The following ZBTB7C variants were observed in gnomAD, a reference collection of about 807,000 sequenced individuals.
The protein encoded by ZBTB7C is zinc finger and BTB domain containing 7C, also known as zinc finger and BTB domain-containing protein 7C.
In ZBTB7C, 8 loss-of-function variants were observed where a neutral mutation model predicts 25.7. The observed-to-expected ratio is 0.31, with a 90% CI of 0.18 to 0.56. ZBTB7C has a LOEUF of 0.56. Among genes scored for constraint, ZBTB7C ranks in the 20% least tolerant of loss-of-function variants. The pLI, the probability that ZBTB7C is intolerant of heterozygous loss-of-function variation, is 0.91. For missense variants in ZBTB7C, 824 were observed against 855.2 expected (o/e 0.96, Z 0.46); for synonymous variants, 394 against 369.0 (o/e 1.07, Z -0.78).
intron 2 of ZBTB7C, among the ~76,000 whole-genome samples, chr18:48,283,501 A>T (rs1057340853): frequency 7.2e-5 from 11 of 152,338 alleles, no homozygotes; most frequent in Admixed American, 3.3e-4. Context: ...ACATGTACTA[A>T]AATCTTCCAT....
chr18:48,304,821 A>G (rs1306877701), intron 2 of ZBTB7C, among the ~76,000 whole-genome samples: 3 of 136,036 alleles, frequency 2.2e-5, no homozygotes, highest in African/African-American at 8.3e-5. Context: ...ATCCTGCACA[A>G]TGGGAGCCAG....
intron 2 of ZBTB7C, among the ~76,000 whole-genome samples, chr18:48,326,095 CTT>C (rs34725749): frequency 8.7e-5 from 11 of 126,142 alleles, no homozygotes; most frequent in African/African-American, 1.2e-4. Context: ...CTACCAACAT[CTT>C]TTTTTTTTTT....
intron 2 of ZBTB7C, among the ~76,000 whole-genome samples, chr18:48,257,362 A>G (rs1432288176): frequency 6.6e-6 from 1 of 152,164 alleles, no homozygotes; most frequent in Non-Finnish European, 1.5e-5. Flanking sequence ...AAACTAAACA[A>G]TAAAGAGATA....
At chr18:48,302,235 G>C (rs1474431575) in intron 2 of ZBTB7C, among the ~76,000 whole-genome samples, 1 of 152,194 alleles carries the variant, frequency 6.6e-6, no homozygotes, top group African/African-American at 2.4e-5. Context: ...GGCCAGTGAG[G>C]AGAGTGGACG....
chr18:48,144,534 C>A (rs1191536245), intron 3 of ZBTB7C, among the ~76,000 whole-genome samples: 1 of 151,868 alleles, frequency 6.6e-6, no homozygotes, highest in Non-Finnish European at 1.5e-5. Context: ...TTGGTAGAGA[C>A]AGGGTTTTGT....
At chr18:48,386,425 T>G (rs60573428) in intron 1 of ZBTB7C, among the ~76,000 whole-genome samples, 43,723 of 152,128 alleles carry the variant, frequency 0.29, 7,559 homozygotes, top group East Asian at 0.71. Context: ...AGTACAGTGC[T>G]TACCCTAGAC....
Position 48,029,274 on chromosome 18 carries a change from C to T in ZBTB7C, c.1846G>A (p.Glu616Lys), listed in dbSNP as rs749850602. 2 of 1,537,756 alleles carry T rather than the reference C, an allele frequency of 1.3e-6. No homozygotes were observed. The highest frequency in any genetic ancestry group is 2.0e-5 in the Admixed American group (1 of 51,160). ...AGLNHVASMS[E>K]ANN Reference sequence around the variant, plus strand: ...CAGGGACCAGCCTAGTTGTTGGCTTCGGACATGGAGGCCACGTGGTTGAGG... The same window carrying T: ...CAGGGACCAGCCTAGTTGTTGGCTTTGGACATGGAGGCCACGTGGTTGAGG... The change falls in exon 5 of 5, where the codon GAA becomes AAA. Residue 616 changes from glutamate (E) to lysine (K), a missense_variant. Physicochemically the swap from Glu to Lys is moderately conservative, Grantham distance 56. This residue lies in a region of ZBTB7C where 342 missense variants were observed against 307.0 expected (regional missense o/e 1.11). Transcript: ENST00000590800.
At chr18:48,275,969 T>C (rs2044636606) in intron 2 of ZBTB7C, among the ~76,000 whole-genome samples, 1 of 152,130 alleles carries the variant, frequency 6.6e-6, no homozygotes, top group African/African-American at 2.4e-5. Context: ...ATCGAAGGCA[T>C]GGGATCCTGG....
rs115734189 is a variant in ZBTB7C at position 48,165,370 on chromosome 18, G to A, written c.-17+20564C>T. On this transcript the variant is annotated intron_variant, in intron 3 of 4. Coordinates refer to ENST00000590800, the MANE Select transcript of ZBTB7C (RefSeq NM_001318841.2). ...GAGTGTCCAGTGATGAGCAAGAATC[G>A]CCCTGCGGAGCTGCCCATACTCTAT... 1.3e-3 allele frequency: 496 copies of A among 376,970 alleles called. 1 individual carries two copies. Among genetic ancestry groups the A allele is most frequent in the African/African-American group, 9.8e-3 (464 of 47,574 alleles). 23.4% of individuals were successfully genotyped at this position (376,970 alleles called of 1,614,324 possible).
chr18:48,040,667 A>T lies in ZBTB7C; in HGVS notation c.441T>A (p.Asp147Glu). ...DDKEDDDDDE[D>E]DDDEEDEEEE... ...CCTCTTCGTCCTCCTCATCATCATC[A>T]TCTTCGTCGTCGTCATCGTCCTCCT... is the stretch of plus-strand genomic sequence containing the variant. The change falls in exon 4 of 5, where the codon GAT (aspartate) becomes GAA (glutamate). Residue 147 changes from aspartate to glutamate, a missense_variant. This residue lies in a region of ZBTB7C where 316 missense variants were observed against 299.2 expected (regional missense o/e 1.06). Coordinates refer to ENST00000590800, the MANE Select transcript of ZBTB7C (RefSeq NM_001318841.2). 1 of 1,612,600 alleles carries T rather than the reference A, an allele frequency of 6.2e-7. No individual in the cohort carries two copies. Among genetic ancestry groups the T allele is most frequent in the Non-Finnish European group, 8.5e-7 (1 of 1,179,388 alleles).
chr18:48,385,781 A>G (rs996774414), intron 1 of ZBTB7C, among the ~76,000 whole-genome samples: 3 of 152,100 alleles, frequency 2.0e-5, no homozygotes, highest in Non-Finnish European at 4.4e-5. Flanking sequence ...AAACATGCAC[A>G]AGGCTGCCTG....
At chr18:48,376,213 G>A (rs760083520) in intron 1 of ZBTB7C, among the ~76,000 whole-genome samples, 1 of 152,180 alleles carries the variant, frequency 6.6e-6, no homozygotes, top group Non-Finnish European at 1.5e-5. Context: ...ACTGACACTT[G>A]TTTAATATGT....
intron 2 of ZBTB7C, among the ~76,000 whole-genome samples, chr18:48,210,820 A>G (rs1195038416): frequency 1.3e-5 from 2 of 152,180 alleles, no homozygotes; most frequent in Non-Finnish European, 2.9e-5. Flanking sequence ...TGTAAATTAT[A>G]TATCAATTAA....
intron 3 of ZBTB7C, among the ~76,000 whole-genome samples, chr18:48,146,765 C>T (rs925392215): frequency 1.3e-5 from 2 of 152,138 alleles, no homozygotes; most frequent in Non-Finnish European, 2.9e-5. Context: ...GTATAAACTT[C>T]CAAGAAAATT....
At chr18:48,233,378 G>C (rs994022845) in intron 2 of ZBTB7C, among the ~76,000 whole-genome samples, 1 of 152,102 alleles carries the variant, frequency 6.6e-6, no homozygotes, top group African/African-American at 2.4e-5. Context: ...CCAGTCTCTG[G>C]TATTCTCTTA....
intron 2 of ZBTB7C, among the ~76,000 whole-genome samples, chr18:48,290,944 G>T (rs1258978000): frequency 6.6e-6 from 1 of 152,216 alleles, no homozygotes; most frequent in Non-Finnish European, 1.5e-5. Context: ...TAGGATTTGT[G>T]GAAAGAACAT....
chr18:48,078,950 A>T (rs1271550105), intron 3 of ZBTB7C, among the ~76,000 whole-genome samples: 3 of 152,202 alleles, frequency 2.0e-5, no homozygotes, highest in Non-Finnish European at 4.4e-5. Flanking sequence ...TCATTCATTC[A>T]TTCATTCATT....
rs1257299727 is a variant in ZBTB7C, at chr18:48,289,427, C to CTA, written c.-79+48745_-79+48746dup. On this transcript the variant is annotated intron_variant, in intron 2 of 4. Transcript: ENST00000590800. ...AGCAATGAAAAATAATGAGACAGAT[C>CTA]TATATGTACTGACATGGAAAGGAAT... is the stretch of plus-strand genomic sequence containing the variant. Among the ~76,000 whole-genome samples the CTA allele has an allele frequency of 2.6e-5, 4 of 151,836 alleles. No homozygotes were observed. In the South Asian group the frequency reaches 6.2e-4, roughly 24 times the overall value.
At chr18:48,265,957 GT>G (rs1391486493) in intron 2 of ZBTB7C, among the ~76,000 whole-genome samples, 1 of 152,064 alleles carries the variant, frequency 6.6e-6, no homozygotes, top group Non-Finnish European at 1.5e-5. Flanking sequence ...GAATTTCCTG[GT>G]TTTGGTGGCT....
Sources: allele counts gnomAD v4.1 joint callset (sites outside exome capture counted in the v4.1 genomes callset), GRCh38; gene constraint gnomAD v4.1.1; regional missense constraint gnomAD v4.1.1; transcripts MANE v1.5; gene names NCBI Gene and HGNC (gene_info 2026-07-23, HGNC 2026-07-21).